Variants in HOATZ observed in about 807,000 individuals in gnomAD.
HOATZ encodes cilia- and flagella-associated protein HOATZ.
A neutral mutation model predicts 24.9 loss-of-function variants in HOATZ; 26 were observed. The observed-to-expected ratio is 1.04, with a 90% CI of 0.76 to 1.45. HOATZ has a LOEUF of 1.45. Ranked by LOEUF, HOATZ falls within the 40% of genes most tolerant of loss-of-function variation. The probability of loss-of-function intolerance (pLI) is 0.00; values close to 1 mark genes in which losing one functional copy is unlikely to be tolerated. For synonymous variants in HOATZ, 83 were observed against 76.6 expected, an observed-to-expected ratio of 1.08 and a Z score of -0.43; for missense variants, 226 against 201.5, an observed-to-expected ratio of 1.12 and a Z score of -0.74.
At chr11:111,527,547 T>G (rs565843872) in intron 3 of HOATZ, among the ~76,000 whole-genome samples, 2 of 152,222 alleles carry the variant, frequency 1.3e-5, no homozygotes, top group South Asian at 4.1e-4. Flanking sequence ...TAGATTACTA[T>G]AGTTAGGTCT....
chr11:111,532,465 C>T (rs527364548), intron 3 of HOATZ, among the ~76,000 whole-genome samples: 1 of 152,202 alleles, frequency 6.6e-6, no homozygotes, highest in South Asian at 2.1e-4. Context: ...AAGACAATTG[C>T]CACGTGAAGA....
At chr11:111,515,034 T>C (rs764594272) in intron 1 of HOATZ, 24 bp downstream of exon 1, 3 of 1,557,144 alleles carry the variant, frequency 1.9e-6, no homozygotes, top group Non-Finnish European at 2.6e-6. Flanking sequence ...CGGCCTCCTG[T>C]CAGTCATATC....
intron 2 of HOATZ, 108 bp from the exon 3 acceptor site, chr11:111,515,932 C>T: frequency 2.8e-6 from 2 of 708,258 alleles, no homozygotes; most frequent in South Asian, 2.2e-5. Flanking sequence ...TTTTGTTTAC[C>T]TTCCTACTCT....
chr11:111,530,534 T>C (rs75534247), intron 3 of HOATZ, among the ~76,000 whole-genome samples: 6,221 of 152,242 alleles, frequency 0.041, 427 homozygotes, highest in African/African-American at 0.14. Flanking sequence ...TTTCACAATT[T>C]ATTTTTTCAG....
At chr11:111,520,060 A>T (rs558850523) in intron 3 of HOATZ, among the ~76,000 whole-genome samples, 1 of 152,346 alleles carries the variant, frequency 6.6e-6, no homozygotes, top group South Asian at 2.1e-4. Flanking sequence ...GGAAATCAAA[A>T]ACAATTGAGC....
At chr11:111,520,454 G>C (rs1169188154) in intron 3 of HOATZ, among the ~76,000 whole-genome samples, 2 of 152,086 alleles carry the variant, frequency 1.3e-5, no homozygotes, top group Non-Finnish European at 2.9e-5. Context: ...AATATCCCAG[G>C]TATGCTCCTT....
rs779892648 is a variant in HOATZ at position 111,533,745 on chromosome 11, G to A, written c.340-1G>A. 5 of 1,586,740 alleles carry A rather than the reference G, an allele frequency of 3.2e-6. No homozygotes were observed. The South Asian group carries it at 4.6e-5, about 14-fold the overall frequency. ...ACCCACTTTTTTCTTTCTTTAAACA[G>A]GCTAAAACAAGAGAAGAGATTCTCC... On this transcript the variant is annotated splice_acceptor_variant, in intron 3 of 5. Coordinates refer to ENST00000375618, the MANE Select transcript of HOATZ (RefSeq NM_001100388.2). LOFTEE classifies it high-confidence loss of function.
intron 3 of HOATZ, among the ~76,000 whole-genome samples, chr11:111,518,564 A>G (rs59926970): frequency 0.06 from 9,124 of 152,264 alleles, 464 homozygotes; most frequent in African/African-American, 0.13. Flanking sequence ...AAGTCCCCAC[A>G]ACTGGTAAGT....
intron 3 of HOATZ, among the ~76,000 whole-genome samples, chr11:111,528,767 T>A (rs1261386231): frequency 6.6e-6 from 1 of 152,204 alleles, no homozygotes; most frequent in Non-Finnish European, 1.5e-5. Flanking sequence ...TGCTAACTCA[T>A]TTTTAGAGTA....
chr11:111,534,243 C>G (rs12283641), intron 4 of HOATZ, among the ~76,000 whole-genome samples, 169 bp from the exon 5 acceptor site: 5,530 of 152,268 alleles, frequency 0.036, 342 homozygotes, highest in African/African-American at 0.12. Context: ...AAACCCCAAA[C>G]TCTCTAATGT....
At chr11:111,520,335 G>T (rs1232112015) in intron 3 of HOATZ, among the ~76,000 whole-genome samples, 4 of 152,268 alleles carry the variant, frequency 2.6e-5, no homozygotes, top group Non-Finnish European at 5.9e-5. Context: ...AGCAGTATTT[G>T]AAGGCATATA....
At chr11:111,533,944 G>C (rs1389926296) in intron 4 of HOATZ, 139 bp downstream of exon 4, 1 of 550,796 alleles carries the variant, frequency 1.8e-6, no homozygotes, top group Non-Finnish European at 3.1e-6. Flanking sequence ...GTGGGGCAAG[G>C]TATAGACATT....
At chr11:111,532,148 C>T (rs1867401288) in intron 3 of HOATZ, among the ~76,000 whole-genome samples, 1 of 152,176 alleles carries the variant, frequency 6.6e-6, no homozygotes, top group Admixed American at 6.5e-5. Context: ...TCAGTTCGTT[C>T]ATCGTACCCT....
intron 3 of HOATZ, among the ~76,000 whole-genome samples, chr11:111,523,250 G>T: frequency 7.4e-6 from 1 of 134,814 alleles, no homozygotes; most frequent in African/African-American, 2.8e-5. Flanking sequence ...TGTTTAAAAC[G>T]GCCTTAAAGT....
intron 3 of HOATZ, among the ~76,000 whole-genome samples, chr11:111,530,885 T>C (rs2135781264): frequency 1.3e-5 from 2 of 152,280 alleles, no homozygotes; most frequent in South Asian, 4.1e-4. Flanking sequence ...TTTACACTAG[T>C]TTTGTTATTT....
Position 111,514,973 on chromosome 11 carries a change from T to C in HOATZ, c.189T>C (p.Arg63=). Residue 63 remains arginine, a synonymous_variant, in exon 1 of 6, where the codon CGT becomes CGC. Transcript: ENST00000375618. ...QLVLRRDSSQ[R]LPVARPRRSR... Reference sequence around the variant, plus strand: ...TGCTGCGCAGAGACAGCAGTCAGCGTCTGCCGGTGGCGCGGCCCAGGAGGA... The same window carrying C: ...TGCTGCGCAGAGACAGCAGTCAGCGCCTGCCGGTGGCGCGGCCCAGGAGGA... 6.2e-7 allele frequency: 1 copy of C among 1,613,704 alleles called. No individual in the cohort carries two copies. Among genetic ancestry groups the C allele is most frequent in the Non-Finnish European group, 8.5e-7 (1 of 1,180,036 alleles).
intron 3 of HOATZ, among the ~76,000 whole-genome samples, chr11:111,525,920 T>G (rs1339875001): frequency 1.3e-5 from 2 of 152,160 alleles, no homozygotes; most frequent in Non-Finnish European, 2.9e-5. Flanking sequence ...TTATATGAAA[T>G]TTGGAGTCTA....
At chr11:111,527,464 C>A (rs973897124) in intron 3 of HOATZ, among the ~76,000 whole-genome samples, 16 of 152,162 alleles carry the variant, frequency 1.1e-4, no homozygotes, top group Non-Finnish European at 1.9e-4. Flanking sequence ...CTTAGATCTG[C>A]ATCTTTTTCC....
At chr11:111,527,691 A>G (rs1457935156) in intron 3 of HOATZ, among the ~76,000 whole-genome samples, 3 of 152,206 alleles carry the variant, frequency 2.0e-5, no homozygotes, top group African/African-American at 2.4e-5. Flanking sequence ...AATTTCCTAT[A>G]TGGTAGTTGT....
Sources: gnomAD v4.1 joint callset for allele counts (sites outside exome capture counted in the v4.1 genomes callset) on GRCh38, gnomAD v4.1.1 for gene constraint, MANE v1.5 for transcripts, NCBI Gene and HGNC (gene_info 2026-07-23, HGNC 2026-07-21) for gene names.